SMURF1: variants seen among roughly 807,000 people sequenced by gnomAD.
The protein encoded by SMURF1 is E3 ubiquitin-protein ligase SMURF1.
In SMURF1, 44 loss-of-function variants were observed where a neutral mutation model predicts 98.0. That is an observed-to-expected ratio of 0.45 (90% CI 0.35 to 0.58). The LOEUF is 0.58. Ranked by LOEUF, SMURF1 falls within the 20% of genes least tolerant of loss-of-function variation. SMURF1 has a pLI of 0.00. For synonymous variants in SMURF1, 396 were observed against 374.9 expected, an observed-to-expected ratio of 1.06 and a Z score of -0.65; for missense variants, 687 against 938.4, an observed-to-expected ratio of 0.73 and a Z score of 3.50.
Position 99,039,931 on chromosome 7 carries a change from G to A in SMURF1, c.1550+447C>T, listed in dbSNP as rs115405401. Among the ~76,000 whole-genome samples the A allele has an allele frequency of 6.1e-3, 928 of 152,196 alleles. 10 individuals carry two copies. The highest frequency in any genetic ancestry group is 0.021 in the African/African-American group (864 of 41,546). On this transcript the variant is annotated intron_variant, in intron 13 of 17. Transcript: ENST00000361368. ...TTAATTTTGTTTTGATACTTGCTTG[G>A]CCCCTGTGTAGGTTAACTGGAGATG...
chr7:99,140,981 T>C (rs1196497612), intron 1 of SMURF1, among the ~76,000 whole-genome samples: 1 of 152,180 alleles, frequency 6.6e-6, no homozygotes, highest in Non-Finnish European at 1.5e-5. Context: ...CGAGGTAAAC[T>C]AAGGTTCCAC....
intron 5 of SMURF1, among the ~76,000 whole-genome samples, chr7:99,055,576 A>G (rs1020287837): frequency 1.3e-5 from 2 of 152,102 alleles, no homozygotes; most frequent in African/African-American, 4.8e-5. Flanking sequence ...GGCTTGAGCA[A>G]TCCTCCCACC....
intron 12 of SMURF1, among the ~76,000 whole-genome samples, chr7:99,040,957 C>T (rs1795353947): frequency 6.6e-6 from 1 of 152,066 alleles, no homozygotes. Flanking sequence ...TCCCACTGCA[C>T]AGGAAAGAAA....
chr7:99,033,132 A>C lies in SMURF1; in HGVS notation c.2012-11T>G. 4 of 1,565,008 alleles carry C rather than the reference A, an allele frequency of 2.6e-6. No individual in the cohort carries two copies. Among genetic ancestry groups the C allele is most frequent in the Non-Finnish European group, 3.5e-6 (4 of 1,154,258 alleles). ...CCGCGCCTGTAGAACCTTACAAGAC[A>C]ACATTCTAGTTAATGTACTTCAGAG... On this transcript the variant is annotated splice_polypyrimidine_tract_variant and intron_variant, in intron 16 of 17. Coordinates refer to ENST00000361368, the MANE Select transcript of SMURF1 (RefSeq NM_181349.3).
chr7:99,091,671 AGCCCCCTCTGGC>A (rs1796815796), intron 1 of SMURF1, among the ~76,000 whole-genome samples: 1 of 152,122 alleles, frequency 6.6e-6, no homozygotes, highest in Non-Finnish European at 1.5e-5. Flanking sequence ...TTCTCGTTCT[AGCCCCCTCTGGC>A]TTCTACCCTA....
At chr7:99,136,828 T>TG (rs1369527940) in intron 1 of SMURF1, among the ~76,000 whole-genome samples, 2 of 152,074 alleles carry the variant, frequency 1.3e-5, no homozygotes, top group African/African-American at 4.8e-5. Flanking sequence ...CACATGCCTG[T>TG]GGTCTCAGCT....
chr7:99,033,380 G>A (rs967020742), intron 16 of SMURF1, among the ~76,000 whole-genome samples: 1 of 152,180 alleles, frequency 6.6e-6, no homozygotes, highest in African/African-American at 2.4e-5. Context: ...GGGCAGTCTC[G>A]GCTCACTGCA....
chr7:99,066,961 G>A (rs192201984), intron 1 of SMURF1, among the ~76,000 whole-genome samples: 1 of 151,204 alleles, frequency 6.6e-6, no homozygotes, highest in East Asian at 1.9e-4. Flanking sequence ...TAATTCATTA[G>A]ACAGCATAAA....
At chr7:99,094,022 A>T (rs1366314116) in intron 1 of SMURF1, among the ~76,000 whole-genome samples, 1 of 152,156 alleles carries the variant, frequency 6.6e-6, no homozygotes, top group Admixed American at 6.5e-5. Context: ...AAAAGAAATT[A>T]TTTGAAACTG....
At chr7:99,137,004 G>A (rs7794656) in intron 1 of SMURF1, among the ~76,000 whole-genome samples, 1,783 of 151,064 alleles carry the variant, frequency 0.012, 34 homozygotes, top group African/African-American at 0.042. Context: ...ACCTGGCCTG[G>A]GAAAAACATA....
At chr7:99,080,177 C>T (rs778069890) in intron 1 of SMURF1, among the ~76,000 whole-genome samples, 2 of 152,284 alleles carry the variant, frequency 1.3e-5, no homozygotes, top group African/African-American at 4.8e-5. Flanking sequence ...TTTCTAAGAA[C>T]GTATAAATTG....
chr7:99,086,701 C>T (rs1430862217), intron 1 of SMURF1, among the ~76,000 whole-genome samples: 1 of 152,148 alleles, frequency 6.6e-6, no homozygotes, highest in African/African-American at 2.4e-5. Context: ...CAAACCGCAG[C>T]AAATCCACAC....
At chr7:99,097,894 C>T (rs937941781) in intron 1 of SMURF1, among the ~76,000 whole-genome samples, 3 of 152,094 alleles carry the variant, frequency 2.0e-5, no homozygotes, top group Non-Finnish European at 4.4e-5. Context: ...TCTGAAATGC[C>T]ACAGTGAAGA....
chr7:99,057,602 T>TG lies in SMURF1; in HGVS notation c.204-52_204-51insC, dbSNP rs67663625. The TG allele has an allele frequency of 2.6e-4, 353 of 1,348,342 alleles. 2 individuals carry two copies. The African/African-American group carries it at 9.3e-3, about 36-fold the overall frequency. The allele number at this position is 1,348,342 out of a possible 1,614,324, so 83.5% of individuals were successfully genotyped here. ...TTTAATTGTGTTTGGTTTTTTTTGT[T>TG]TTGTTTTTTTTTTTTTTTGAGATAG... is the stretch of plus-strand genomic sequence containing the variant. On this transcript the variant is annotated intron_variant, in intron 3 of 17. Coordinates refer to ENST00000361368, the MANE Select transcript of SMURF1 (RefSeq NM_181349.3).
chr7:99,030,783 AGG>A lies in SMURF1; in HGVS notation c.2097-102_2097-101del. On this transcript the variant is annotated intron_variant, in intron 17 of 17. Coordinates refer to ENST00000361368, the MANE Select transcript of SMURF1 (RefSeq NM_181349.3). ...GTGAGAAGTATATGTGGGAGGGGAG[AGG>A]AATGGGGGGTGGGGCAGGGTTGGTG... 8 of 702,316 alleles carry A rather than the reference AGG, an allele frequency of 1.1e-5. 1 individual carries two copies. Among genetic ancestry groups the A allele is most frequent in the Non-Finnish European group, 1.9e-5 (8 of 414,116 alleles). The allele number at this position is 702,316 out of a possible 1,614,324, so 43.5% of individuals were successfully genotyped here.
At position 99,052,192 on chromosome 7, in the gene SMURF1, T is replaced by C. The variant is rs1795770430; in HGVS notation, c.721+13A>G. 2.0e-6 allele frequency: 3 copies of C among 1,529,528 alleles called. No individual in the cohort carries two copies. The highest frequency in any genetic ancestry group is 2.0e-5 in the Admixed American group (1 of 49,442). 94.7% of individuals were successfully genotyped at this position (1,529,528 alleles called of 1,614,324 possible). A position where few individuals can be genotyped will look rare whatever the true frequency, so the allele number is the denominator to read the frequency against. On this transcript the variant is annotated intron_variant, in intron 7 of 17. Coordinates refer to ENST00000361368, the MANE Select transcript of SMURF1 (RefSeq NM_181349.3). ...GCAGATGGCATTGGCCACAGCAGGA[T>C]ACATTCTCTCACCGTAGCCTTCGGG... is the stretch of plus-strand genomic sequence containing the variant.
chr7:99,082,700 C>T (rs1796598454), intron 1 of SMURF1, among the ~76,000 whole-genome samples: 1 of 152,200 alleles, frequency 6.6e-6, no homozygotes, highest in South Asian at 2.1e-4. Flanking sequence ...TATTCTAGAT[C>T]TCTTGCATTT....
At chr7:99,069,601 C>T (rs1025469432) in intron 1 of SMURF1, among the ~76,000 whole-genome samples, 4 of 152,188 alleles carry the variant, frequency 2.6e-5, no homozygotes, top group Non-Finnish European at 4.4e-5. Flanking sequence ...AAGCAATCCT[C>T]CCGCCTCAGC....
chr7:99,112,328 G>A (rs558108434), intron 1 of SMURF1, among the ~76,000 whole-genome samples: 1 of 152,308 alleles, frequency 6.6e-6, no homozygotes, highest in East Asian at 1.9e-4. Flanking sequence ...AGACTGGGGG[G>A]TTTCTGTTGT....
Sources: allele counts gnomAD v4.1 joint callset (sites outside exome capture counted in the v4.1 genomes callset), GRCh38; gene constraint gnomAD v4.1.1; transcripts MANE v1.5; gene names NCBI Gene and HGNC (gene_info 2026-07-23, HGNC 2026-07-21).